BNC2: variants seen among roughly 807,000 people sequenced by gnomAD.
BNC2 encodes the protein basonuclin zinc finger protein 2, also known as zinc finger protein basonuclin-2.
Under a neutral mutation model 76.3 loss-of-function variants are expected in BNC2, and 20 were observed. The observed-to-expected ratio is 0.26, with a 90% confidence interval of 0.18 to 0.38. The LOEUF (loss-of-function observed/expected upper bound fraction) is 0.38. Ranked by LOEUF, BNC2 falls within the 10% of genes least tolerant of loss-of-function variation. The pLI is 1.00. For missense variants in BNC2, 1,382 were observed against 1,399.8 expected, an observed-to-expected ratio of 0.99 and a Z score of 0.20; for synonymous variants, 582 against 514.8, an observed-to-expected ratio of 1.13 and a Z score of -1.77.
chr9:16,561,504 C>T (rs1819014137), intron 4 of BNC2, among the ~76,000 whole-genome samples: 1 of 152,104 alleles, frequency 6.6e-6, no homozygotes, highest in Non-Finnish European at 1.5e-5. Flanking sequence ...ATTTCCAGAT[C>T]TTGCAGTTCC....
At chr9:16,803,385 G>T (rs1245327897) in intron 1 of BNC2, among the ~76,000 whole-genome samples, 1 of 152,186 alleles carries the variant, frequency 6.6e-6, no homozygotes, top group East Asian at 1.9e-4. Context: ...AAAGAGCAAA[G>T]TTAATGAGTT....
At chr9:16,473,120 T>C (rs2274557) in intron 5 of BNC2, 45,395 of 152,218 alleles carry the variant, frequency 0.3, 7,011 homozygotes, top group African/African-American at 0.35. Context: ...ATTGAGGTGT[T>C]CCTAGTGTGT....
At chr9:16,480,680 C>T (rs71513263) in intron 5 of BNC2, among the ~76,000 whole-genome samples, 17,213 of 152,244 alleles carry the variant, frequency 0.11, 1,263 homozygotes, top group East Asian at 0.26. Flanking sequence ...TGTACTGGGT[C>T]CCCCAGCAGT....
At chr9:16,677,531 C>T (rs930436286) in intron 3 of BNC2, among the ~76,000 whole-genome samples, 3 of 149,990 alleles carry the variant, frequency 2.0e-5, no homozygotes, top group Admixed American at 6.6e-5. Flanking sequence ...CAAGATCGCG[C>T]CACTGCACTC....
At chr9:16,747,341 A>AAG in intron 1 of BNC2, among the ~76,000 whole-genome samples, 1 of 38,342 alleles carries the variant, frequency 2.6e-5, no homozygotes, top group East Asian at 1.0e-3. Context: ...AGTTTTATAA[A>AAG]AGATACAATT....
chr9:16,780,403 C>G (rs1054698236), intron 1 of BNC2, among the ~76,000 whole-genome samples: 6 of 151,592 alleles, frequency 4.0e-5, no homozygotes, highest in Admixed American at 6.6e-5. Flanking sequence ...GAAACCCCGT[C>G]TCTACTAAAA....
chr9:16,837,412 G>C (rs959731293), intron 1 of BNC2, among the ~76,000 whole-genome samples: 7 of 152,190 alleles, frequency 4.6e-5, no homozygotes, highest in Non-Finnish European at 1.0e-4. Context: ...GCTGAGGCAG[G>C]AGAATCACTT....
chr9:16,456,149 A>C (rs991838465), intron 5 of BNC2, among the ~76,000 whole-genome samples: 1 of 152,146 alleles, frequency 6.6e-6, no homozygotes, highest in Admixed American at 6.5e-5. Flanking sequence ...TTTAACATGA[A>C]ATTAAGGTCA....
intron 1 of BNC2, among the ~76,000 whole-genome samples, chr9:16,830,232 A>C (rs1818550185): frequency 2.0e-5 from 3 of 152,234 alleles, no homozygotes; most frequent in African/African-American, 7.2e-5. Context: ...TTATCTCTAT[A>C]ACATACACAG....
chr9:16,826,199 C>T (rs975842168), intron 1 of BNC2, among the ~76,000 whole-genome samples: 3 of 133,004 alleles, frequency 2.3e-5, no homozygotes, highest in African/African-American at 8.3e-5. Flanking sequence ...CACAACAGCC[C>T]CCCTTTCTCC....
At chr9:16,517,967 T>G (rs1266181956) in intron 5 of BNC2, among the ~76,000 whole-genome samples, 1 of 152,152 alleles carries the variant, frequency 6.6e-6, no homozygotes, top group South Asian at 2.1e-4. Flanking sequence ...ACCAAATCCC[T>G]TAAAACTTAC....
chr9:16,691,167 T>C (rs927536086), intron 3 of BNC2, among the ~76,000 whole-genome samples: 11 of 152,198 alleles, frequency 7.2e-5, no homozygotes, highest in African/African-American at 2.7e-4. Context: ...ACATAGAATC[T>C]TTCTTCCAGA....
intron 1 of BNC2, among the ~76,000 whole-genome samples, chr9:16,786,524 T>C (rs1826297962): frequency 1.3e-5 from 2 of 152,150 alleles, no homozygotes; most frequent in South Asian, 4.1e-4. Context: ...AATTACTTTA[T>C]CCCCCAAACT....
chr9:16,697,037 G>T (rs1823358475), intron 3 of BNC2, among the ~76,000 whole-genome samples: 1 of 152,154 alleles, frequency 6.6e-6, no homozygotes, highest in Non-Finnish European at 1.5e-5. Context: ...CTTCTAGAAA[G>T]GGGGAAATAC....
At chr9:16,695,534 T>C (rs12344356) in intron 3 of BNC2, among the ~76,000 whole-genome samples, 2 of 88,688 alleles carry the variant, frequency 2.3e-5, no homozygotes, top group Admixed American at 1.2e-4. Context: ...TCTTTTTCTT[T>C]CTTTTTTTTT....
intron 6 of BNC2, among the ~76,000 whole-genome samples, chr9:16,430,414 G>A (rs190526397): frequency 6.6e-6 from 1 of 152,226 alleles, no homozygotes; most frequent in East Asian, 1.9e-4. Flanking sequence ...ATCTTGAATT[G>A]GTGCTAAGTG....
At chr9:16,599,778 A>G (rs1218980622) in intron 3 of BNC2, among the ~76,000 whole-genome samples, 1 of 152,212 alleles carries the variant, frequency 6.6e-6, no homozygotes, top group African/African-American at 2.4e-5. Flanking sequence ...GCGAGTCTCC[A>G]TGTCAAAAAA....
At chr9:16,621,343 A>AC (rs1418841382) in intron 3 of BNC2, among the ~76,000 whole-genome samples, 2 of 152,164 alleles carry the variant, frequency 1.3e-5, no homozygotes, top group African/African-American at 4.8e-5. Context: ...TTCTCCCACA[A>AC]CACTGCCTGT....
chr9:16,435,962 A>T lies in BNC2; in HGVS notation c.2232T>A (p.Ile744=), dbSNP rs1821002305. 1 of 1,614,124 alleles carries T rather than the reference A, an allele frequency of 6.2e-7. No individual in the cohort carries two copies. The highest frequency in any genetic ancestry group is 2.2e-5 in the East Asian group (1 of 44,864). The change falls in exon 6 of 7, where the codon ATT becomes ATA. Residue 744 remains isoleucine (I), a synonymous_variant. Coordinates refer to ENST00000380672, the MANE Select transcript of BNC2 (RefSeq NM_017637.6). ...GGACTTTTTCACTCACTTCGCTGTG[A>T]ATGTGCTCATCCCCTTCCATGGATT... ...GEESMEGDEH[I]HSEVSEKVLM... is the part of the protein sequence containing the mutation.
Sources: gnomAD v4.1 joint callset for allele counts (sites outside exome capture counted in the v4.1 genomes callset) on GRCh38, gnomAD v4.1.1 for gene constraint, MANE v1.5 for transcripts, NCBI Gene and HGNC (gene_info 2026-07-23, HGNC 2026-07-21) for gene names.